Variants in ORC5 observed in about 807,000 individuals in gnomAD.
ORC5 encodes the protein origin recognition complex subunit 5, also known as protein phosphatase 1, regulatory subunit 117.
In ORC5, 39 loss-of-function variants were observed where a neutral mutation model predicts 58.8. That is an observed-to-expected ratio of 0.66 (90% CI 0.51 to 0.87). The LOEUF is 0.87. ORC5 is among the 40% of genes least tolerant of loss of function. The pLI is 0.00. For missense variants in ORC5, 493 were observed against 506.3 expected (o/e 0.97, Z 0.25); for synonymous variants, 218 against 177.6 (o/e 1.23, Z -1.81).
At chr7:104,191,154 G>A (rs562448231) in intron 5 of ORC5, among the ~76,000 whole-genome samples, 1 of 144,062 alleles carries the variant, frequency 6.9e-6, no homozygotes, top group South Asian at 2.2e-4. Flanking sequence ...TCCCTGTAGA[G>A]TCCATGTACT....
chr7:104,204,318 GAA>G, intron 1 of ORC5, 84 bp from the exon 2 acceptor site: 1 of 781,988 alleles, frequency 1.3e-6, no homozygotes, highest in Admixed American at 2.5e-5. Context: ...GTTGTACGTG[GAA>G]AAGTGAAATA....
chr7:104,157,589 C>T (rs181419675), intron 12 of ORC5, among the ~76,000 whole-genome samples: 2 of 152,150 alleles, frequency 1.3e-5, no homozygotes, highest in Admixed American at 6.6e-5. Context: ...CTGCTATAAC[C>T]ACGAAGACTG....
At chr7:104,177,714 T>C (rs1020287015) in intron 8 of ORC5, among the ~76,000 whole-genome samples, 32 of 152,174 alleles carry the variant, frequency 2.1e-4, no homozygotes, top group Non-Finnish European at 7.3e-5. Context: ...CCTAATGCTC[T>C]CCCTCCCCTT....
chr7:104,137,269 CA>C (rs58837683), intron 12 of ORC5, among the ~76,000 whole-genome samples: 116,363 of 132,654 alleles, frequency 0.88, 50,622 homozygotes, highest in East Asian at 0.98. Context: ...AATGTGCCTA[CA>C]AAAAAAAAAA....
At chr7:104,205,861 T>C (rs953139745) in intron 1 of ORC5, among the ~76,000 whole-genome samples, 1 of 151,928 alleles carries the variant, frequency 6.6e-6, no homozygotes, top group African/African-American at 2.4e-5. Flanking sequence ...AACACAAAAA[T>C]AGCCAGGCTT....
chr7:104,153,021 A>G (rs904673239), intron 12 of ORC5, among the ~76,000 whole-genome samples: 2 of 152,226 alleles, frequency 1.3e-5, no homozygotes, highest in Admixed American at 6.5e-5. Flanking sequence ...TAGAGAAGAT[A>G]AGAAAATAGC....
intron 12 of ORC5, among the ~76,000 whole-genome samples, chr7:104,159,551 A>G (rs1463409928): frequency 6.6e-6 from 1 of 151,124 alleles, no homozygotes; most frequent in Non-Finnish European, 1.5e-5. Context: ...TCATGTATAC[A>G]TTTTAATGCC....
chr7:104,185,810 A>G (rs1032036061), intron 6 of ORC5, among the ~76,000 whole-genome samples: 1 of 151,958 alleles, frequency 6.6e-6, no homozygotes, highest in Admixed American at 6.6e-5. Context: ...ATATATATAT[A>G]TTAGTTTGTT....
In ORC5 at chr7:104,154,534, T is replaced by C. The variant is rs191016957; in HGVS notation, c.1149+6538A>G. ...TCTAAACATATAAAATAGAATCTGG[T>C]GGCTGCACCAGCACAAATGAAGGGC... On this transcript the variant is annotated intron_variant, in intron 12 of 13. Coordinates refer to ENST00000297431, the MANE Select transcript of ORC5 (RefSeq NM_002553.4). 2.2e-4 allele frequency among the ~76,000 whole-genome samples: 34 copies of C among 152,100 alleles called. 1 individual carries two copies.
chr7:104,147,012 C>A (rs931169371), intron 12 of ORC5, among the ~76,000 whole-genome samples: 35 of 152,080 alleles, frequency 2.3e-4, no homozygotes, highest in Admixed American at 7.9e-4. Flanking sequence ...AAATAAAACA[C>A]TGATAACGTA....
At chr7:104,164,495 T>G (rs1799075288) in intron 11 of ORC5, among the ~76,000 whole-genome samples, 1 of 152,214 alleles carries the variant, frequency 6.6e-6, no homozygotes, top group African/African-American at 2.4e-5. Context: ...GTGGTAAACA[T>G]CATCGTAGGC....
chr7:104,139,395 T>C (rs17324174), intron 12 of ORC5, among the ~76,000 whole-genome samples: 19,449 of 152,134 alleles, frequency 0.13, 1,561 homozygotes, highest in East Asian at 0.19. Context: ...ACTTTCTCCA[T>C]ATTCCAGATC....
intron 12 of ORC5, among the ~76,000 whole-genome samples, chr7:104,158,377 A>C (rs1307461137): frequency 6.6e-6 from 1 of 152,180 alleles, no homozygotes; most frequent in African/African-American, 2.4e-5. Flanking sequence ...AAAACCCTAG[A>C]AGAAAACCTA....
chr7:104,197,862 T>C (rs1041805846), intron 3 of ORC5, 63 bp from the exon 4 acceptor site: 6 of 1,037,508 alleles, frequency 5.8e-6, no homozygotes, highest in Admixed American at 4.9e-5. Flanking sequence ...CAAAATGACA[T>C]GATTTGACTA....
intron 3 of ORC5, among the ~76,000 whole-genome samples, chr7:104,199,778 T>G (rs921707067): frequency 2.6e-5 from 4 of 152,186 alleles, no homozygotes; most frequent in African/African-American, 9.7e-5. Flanking sequence ...CAGTTGACTT[T>G]GAAATGTGAA....
intron 8 of ORC5, among the ~76,000 whole-genome samples, chr7:104,181,651 G>C (rs1584509517): frequency 6.6e-6 from 1 of 152,062 alleles, no homozygotes; most frequent in Admixed American, 6.5e-5. Context: ...ATTTAGCCAG[G>C]TGTGGTGGTG....
At chr7:104,185,207 C>T (rs180812736) in intron 6 of ORC5, among the ~76,000 whole-genome samples, 36 of 151,980 alleles carry the variant, frequency 2.4e-4, no homozygotes, top group African/African-American at 7.7e-4. Context: ...CAAACCTGCA[C>T]GCCCCTGCAC....
chr7:104,173,828 T>A (rs186489341), intron 8 of ORC5, among the ~76,000 whole-genome samples: 1 of 148,582 alleles, frequency 6.7e-6, no homozygotes, highest in East Asian at 2.0e-4. Flanking sequence ...TCTGCATACC[T>A]GGGTTTAAAA....
At chr7:104,161,652 G>GCATGAGCCACCATACCCAGC (rs528590864) in intron 11 of ORC5, among the ~76,000 whole-genome samples, 1 of 152,036 alleles carries the variant, frequency 6.6e-6, no homozygotes, top group Admixed American at 6.6e-5. Flanking sequence ...AGAATTACAG[G>GCATGAGCCACCATACCCAGC]CATGAGCCAC....
Sources: allele counts gnomAD v4.1 joint callset (sites outside exome capture counted in the v4.1 genomes callset), GRCh38; gene constraint gnomAD v4.1.1; transcripts MANE v1.5; gene names NCBI Gene and HGNC (gene_info 2026-07-23, HGNC 2026-07-21).